The following FMO4 variants were observed in gnomAD, a reference collection of about 807,000 sequenced individuals.
FMO4 encodes the protein dimethylaniline monooxygenase [N-oxide-forming] 4.
FMO4 carries 38 observed loss-of-function variants against 43.3 expected under a neutral mutation model. The observed-to-expected ratio is 0.88, with a 90% confidence interval of 0.68 to 1.15. The LOEUF is 1.15. Ranked by LOEUF, FMO4 falls within the 50% of genes most tolerant of loss-of-function variation. FMO4 has a pLI of 0.00. For missense variants in FMO4, 631 were observed against 663.3 expected (o/e 0.95, Z 0.54); for synonymous variants, 224 against 232.2 (o/e 0.96, Z 0.32).
At chr1:171,331,607 A>G in intron 5 of FMO4, 33 bp from the exon 6 acceptor site, 1 of 1,609,826 alleles carries the variant, frequency 6.2e-7, no homozygotes, top group Non-Finnish European at 8.5e-7. Context: ...AACTTTAGAC[A>G]TTTCAGACTT....
intron 9 of FMO4, among the ~76,000 whole-genome samples, chr1:171,339,259 A>G (rs1663252904): frequency 6.6e-6 from 1 of 152,202 alleles, no homozygotes; most frequent in Non-Finnish European, 1.5e-5. Context: ...CGTTGTTCTC[A>G]CATCAAATCC....
intron 5 of FMO4, among the ~76,000 whole-genome samples, chr1:171,326,363 C>G (rs888027198): frequency 6.6e-6 from 1 of 152,170 alleles, no homozygotes; most frequent in African/African-American, 2.4e-5. Context: ...CATGCATACC[C>G]TTTTTAAAAA....
chr1:171,339,945 T>C (rs1339264985), intron 9 of FMO4, among the ~76,000 whole-genome samples: 3 of 152,166 alleles, frequency 2.0e-5, no homozygotes, highest in Non-Finnish European at 4.4e-5. Context: ...AAATCGCTGA[T>C]GAAGACTACG....
chr1:171,326,499 G>A (rs147885651), intron 5 of FMO4, among the ~76,000 whole-genome samples: 1 of 152,340 alleles, frequency 6.6e-6, no homozygotes, highest in East Asian at 1.9e-4. Flanking sequence ...TTTCCAAGTT[G>A]CTTTGGGAAG....
Position 171,314,382 on chromosome 1 carries a change from T to G in FMO4, c.-182T>G, listed in dbSNP as rs1257654537. On this transcript the variant is annotated 5_prime_UTR_variant, in exon 1 of 10. Coordinates refer to ENST00000367749, the MANE Select transcript of FMO4 (RefSeq NM_002022.3). Reference sequence around the variant, plus strand: ...CTTTCCTTGACTTTGAGAAATAATTTAAGTCAAAGAATCTGCTCTATGCTA... The same window carrying G: ...CTTTCCTTGACTTTGAGAAATAATTGAAGTCAAAGAATCTGCTCTATGCTA... 3 of 152,086 alleles carry G rather than the reference T, an allele frequency of 2.0e-5. No individual in the cohort carries two copies. Among genetic ancestry groups the G allele is most frequent in the Non-Finnish European group, 2.9e-5 (2 of 68,006 alleles). The allele number at this position is 152,086 out of a possible 1,614,324, so 9.4% of individuals were successfully genotyped here.
chr1:171,325,910 C>T (rs1662644275), intron 5 of FMO4, among the ~76,000 whole-genome samples: 1 of 127,442 alleles, frequency 7.8e-6, no homozygotes. Flanking sequence ...TGCAGTGGTG[C>T]CATCTAGGCT....
intron 9 of FMO4, among the ~76,000 whole-genome samples, chr1:171,340,012 A>G (rs554319673): frequency 6.6e-6 from 1 of 152,260 alleles, no homozygotes; most frequent in South Asian, 2.1e-4. Context: ...GTGGTTTGGG[A>G]AAGATGGATA....
rs1157444390 is a variant in FMO4 at position 171,319,819 on chromosome 1, G to A, written c.-7G>A. On this transcript the variant is annotated splice_region_variant and 5_prime_UTR_variant, in exon 3 of 10. Coordinates refer to ENST00000367749, the MANE Select transcript of FMO4 (RefSeq NM_002022.3). ...TTCTGCTTGACTTTCCTCTAACAGA[G>A]CATACCATGGCCAAGAAAGTTGCAG... The A allele has an allele frequency of 3.7e-6, 6 of 1,613,598 alleles. No individual in the cohort carries two copies. Among genetic ancestry groups the A allele is most frequent in the Non-Finnish European group, 5.1e-6 (6 of 1,179,644 alleles).
At position 171,341,832 on chromosome 1, in the gene FMO4, G is replaced by A. The variant is rs745827392; in HGVS notation, c.1670G>A (p.Arg557Gln). Reference sequence around the variant, plus strand: ...TCCCCTTACCTAGTAAGTCTTTGGCGAGGATGAACCTGATTGTTACAAGGG... The same window carrying A: ...TCCCCTTACCTAGTAAGTCTTTGGCAAGGATGAACCTGATTGTTACAAGGG... The part of the protein sequence containing the change: ...RMSPYLVSLW[R>Q]G Residue 557 changes from arginine to glutamine, a missense_variant, in exon 10 of 10, where the codon CGA (arginine) becomes CAA (glutamine). Arg to Gln is a conservative substitution (Grantham distance 43). Coordinates refer to ENST00000367749, the MANE Select transcript of FMO4 (RefSeq NM_002022.3). The A allele has an allele frequency of 2.0e-5, 33 of 1,609,924 alleles. No individual in the cohort carries two copies. The Middle Eastern group carries it at 2.0e-3, about 97-fold the overall frequency.
chr1:171,321,233 A>G (rs574687016), intron 3 of FMO4, among the ~76,000 whole-genome samples: 2 of 152,310 alleles, frequency 1.3e-5, no homozygotes, highest in South Asian at 4.1e-4. Flanking sequence ...AAATAGGGAA[A>G]AAAAAGAAAA....
At chr1:171,333,055 T>C (rs1426960842) in intron 7 of FMO4, 147 bp downstream of exon 7, 2 of 573,130 alleles carry the variant, frequency 3.5e-6, no homozygotes, top group Non-Finnish European at 6.1e-6. Context: ...GTTCATCAGG[T>C]ACCACAGCAG....
rs866374389 is a variant in FMO4, at chr1:171,319,908, C to A, written c.83C>A (p.Pro28His). The change falls in exon 3 of 10, where the codon CCC (proline) becomes CAC (histidine). Residue 28 changes from proline (P) to histidine (H), a missense_variant. Transcript: ENST00000367749. ...IKCCVDEDLE[P>H]TCFERSDDIG... ...TGCTGTGTGGATGAGGACCTGGAGC[C>A]CACCTGCTTTGAGAGAAGTGATGAC... 1.2e-6 allele frequency: 2 copies of A among 1,613,862 alleles called. No homozygotes were observed. The highest frequency in any genetic ancestry group is 1.7e-4 in the Middle Eastern group (1 of 6,056).
At chr1:171,321,170 CTTCTA>C (rs1312373230) in intron 3 of FMO4, among the ~76,000 whole-genome samples, 1 of 152,006 alleles carries the variant, frequency 6.6e-6, no homozygotes, top group Non-Finnish European at 1.5e-5. Context: ...TGGTTTACTT[CTTCTA>C]TTCTAAAGTA....
chr1:171,331,918 ATTG>A, intron 6 of FMO4, 136 bp downstream of exon 6: 2 of 746,998 alleles, frequency 2.7e-6, no homozygotes, highest in Non-Finnish European at 4.4e-6. Flanking sequence ...AAAAAAAAAC[ATTG>A]AAAATCTTTA....
chr1:171,323,055 G>C lies in FMO4; in HGVS notation c.184G>C (p.Val62Leu). 1 of 1,613,412 alleles carries C rather than the reference G, an allele frequency of 6.2e-7. No homozygotes were observed. Among genetic ancestry groups the C allele is most frequent in the South Asian group, 1.1e-5 (1 of 91,048 alleles). ...TRVYKSLVTN[V>L]CKEMSCYSDF... ...GGTCTATAAGTCATTAGTGACAAATGTCTGTAAGGAAATGTCATGTTACAG... is the reference window on the plus strand; with the variant it reads ...GGTCTATAAGTCATTAGTGACAAATCTCTGTAAGGAAATGTCATGTTACAG... The change falls in exon 4 of 10, where the codon GTC (valine) becomes CTC (leucine). Residue 62 changes from valine to leucine, a missense_variant. Coordinates refer to ENST00000367749, the MANE Select transcript of FMO4 (RefSeq NM_002022.3).
intron 9 of FMO4, among the ~76,000 whole-genome samples, chr1:171,339,844 A>C (rs776484014): frequency 8.5e-5 from 13 of 152,198 alleles, no homozygotes; most frequent in Non-Finnish European, 1.8e-4. Context: ...TCTGGATGCT[A>C]GGATCACTGT....
chr1:171,342,057 C>A lies in FMO4; in HGVS notation c.*218C>A. On this transcript the variant is annotated 3_prime_UTR_variant, in exon 10 of 10. Coordinates refer to ENST00000367749, the MANE Select transcript of FMO4 (RefSeq NM_002022.3). ...CTACCCTGCTACCTCAGTGATTATTCTAAAATAAATATATATGATATGGTT... is the reference window on the plus strand; with the variant it reads ...CTACCCTGCTACCTCAGTGATTATTATAAAATAAATATATATGATATGGTT... 1.9e-6 allele frequency: 1 copy of A among 522,588 alleles called. No homozygotes were observed. The highest frequency in any genetic ancestry group is 3.4e-6 in the Non-Finnish European group (1 of 294,478). 32.4% of individuals were successfully genotyped at this position (522,588 alleles called of 1,614,324 possible).
At chr1:171,338,183 T>G (rs1663200101) in intron 9 of FMO4, among the ~76,000 whole-genome samples, 1 of 152,080 alleles carries the variant, frequency 6.6e-6, no homozygotes, top group South Asian at 2.1e-4. Flanking sequence ...CGGCAAATAT[T>G]GTCAGCTCCT....
chr1:171,320,055 T>G, intron 3 of FMO4, 98 bp downstream of exon 3: 1 of 1,329,498 alleles, frequency 7.5e-7, no homozygotes, highest in Non-Finnish European at 1.1e-6. Context: ...AGTAAGGGAG[T>G]GGCTTACTGC....
Sources: allele counts gnomAD v4.1 joint callset (sites outside exome capture counted in the v4.1 genomes callset), GRCh38; gene constraint gnomAD v4.1.1; transcripts MANE v1.5; gene names NCBI Gene and HGNC (gene_info 2026-07-23, HGNC 2026-07-21).